The following ZNF695 variants were observed in gnomAD, a reference collection of about 807,000 sequenced individuals.
ZNF695 encodes zinc finger protein 695.
In ZNF695, 11 loss-of-function variants were observed where a neutral mutation model predicts 11.2. The ratio of observed to expected loss-of-function variants is 0.98; its 90% CI spans 0.62 to 1.62. The LOEUF (loss-of-function observed/expected upper bound fraction) is 1.62, where lower values mean the gene tolerates loss of function less well. ZNF695 is among the 40% of genes most tolerant of loss of function. The pLI is 0.00. For missense variants in ZNF695, 559 were observed against 590.5 expected, an observed-to-expected ratio of 0.95 and a Z score of 0.55; for synonymous variants, 190 against 201.4, an observed-to-expected ratio of 0.94 and a Z score of 0.48.
intron 4 of ZNF695, among the ~76,000 whole-genome samples, chr1:246,978,846 C>T (rs977043440): frequency 2.8e-4 from 28 of 100,336 alleles, no homozygotes; most frequent in African/African-American, 6.5e-4. Flanking sequence ...AGCTGCTTGT[C>T]GGGGAAATGA....
intron 5 of ZNF695, among the ~76,000 whole-genome samples, chr1:246,959,311 ATATATAT>A (rs1267302386): frequency 7.6e-4 from 16 of 20,954 alleles, no homozygotes; most frequent in African/African-American, 1.7e-3. Context: ...AAAAAAAAAA[ATATATAT>A]ATATATATAT....
chr1:247,003,528 C>T (rs542821894), intron 1 of ZNF695, among the ~76,000 whole-genome samples: 2 of 152,262 alleles, frequency 1.3e-5, no homozygotes, highest in Admixed American at 6.5e-5. Context: ...ATAATTTGTG[C>T]ACCAAACAAC....
intron 4 of ZNF695, among the ~76,000 whole-genome samples, chr1:246,972,132 A>T (rs1668443538): frequency 6.6e-6 from 1 of 152,226 alleles, no homozygotes; most frequent in Non-Finnish European, 1.5e-5. Flanking sequence ...GGGAGAAAGC[A>T]CTGTAGCAGG....
Position 246,987,129 on chromosome 1 carries a change from T to G in ZNF695, c.1386A>C (p.Lys462Asn). The change falls in exon 4 of 4, where the codon AAA becomes AAC. Residue 462 changes from lysine (K) to asparagine (N), a missense_variant. Physicochemically the swap from Lys to Asn is moderately conservative, Grantham distance 94. Coordinates refer to ENST00000339986, the MANE Select transcript of ZNF695 (RefSeq NM_020394.5). ...TNHKRIHTGE[K>N]PYKCEECGKA... ...TGCCACATTCTTCACATTTGTAGGG[T>G]TTCTCTCCAGTATGAATTCTCTTAT... The G allele has an allele frequency of 6.2e-7, 1 of 1,614,064 alleles. No individual in the cohort carries two copies. Among genetic ancestry groups the G allele is most frequent in the South Asian group, 1.1e-5 (1 of 91,074 alleles).
exon 5 of ZNF695, chr1:246,967,715 C>T (rs1331121142): frequency 7.6e-6 from 3 of 396,490 alleles, no homozygotes; most frequent in African/African-American, 2.1e-5. Flanking sequence ...GCTTTACATG[C>T]TTCTGCTTCT....
At chr1:246,967,827 A>T (rs1668327566) in intron 4 of ZNF695, 1 of 310,686 alleles carries the variant, frequency 3.2e-6, no homozygotes, top group Non-Finnish European at 6.5e-6. Flanking sequence ...GGGAAATGCT[A>T]TACACTTTTA....
At position 246,986,307 on chromosome 1, in the gene ZNF695, A is replaced by G. The variant is rs1572524470; in HGVS notation, c.*660T>C. The G allele has an allele frequency of 8.7e-6, 8 of 923,570 alleles. No homozygotes were observed. The highest frequency in any genetic ancestry group is 1.2e-4 in the East Asian group (1 of 8,484). The allele number at this position is 923,570 out of a possible 1,614,324, so 57.2% of individuals were successfully genotyped here. A position where few individuals can be genotyped will look rare whatever the true frequency, so the allele number is the denominator to read the frequency against. On this transcript the variant is annotated 3_prime_UTR_variant, in exon 4 of 4. Transcript: ENST00000339986. ...GGTCCCAAACTCCTGGGCTCAAGCA[A>G]TCCCCCGACCTCGGCATCCAAAAGT...
intron 3 of ZNF695, 58 bp from the exon 4 acceptor site, chr1:246,988,313 C>G (rs1668918073): frequency 7.6e-7 from 1 of 1,320,150 alleles, no homozygotes; most frequent in Non-Finnish European, 1.0e-6. Context: ...CTTTACAAAT[C>G]TAAGGCATAA....
At chr1:247,005,090 A>C (rs557465382) in intron 1 of ZNF695, among the ~76,000 whole-genome samples, 1 of 152,324 alleles carries the variant, frequency 6.6e-6, no homozygotes, top group East Asian at 1.9e-4. Context: ...ACTAAGCCTA[A>C]AATTTTTTTG....
chr1:246,986,897 A>T lies in ZNF695; in HGVS notation c.*70T>A, dbSNP rs1022312518. ...TTTGTAACACTCTTATTCAGTAAAAATATTCTGCTGTGAAGTTGTGAATAG... is the reference window on the plus strand; with the variant it reads ...TTTGTAACACTCTTATTCAGTAAAATTATTCTGCTGTGAAGTTGTGAATAG... On this transcript the variant is annotated 3_prime_UTR_variant, in exon 4 of 4. Transcript: ENST00000339986. The T allele has an allele frequency of 6.6e-7, 1 of 1,505,048 alleles. No individual in the cohort carries two copies. The highest frequency in any genetic ancestry group is 1.4e-5 in the African/African-American group (1 of 71,606). The allele number at this position is 1,505,048 out of a possible 1,614,324, so 93.2% of individuals were successfully genotyped here. A position where few individuals can be genotyped will look rare whatever the true frequency, so the allele number is the denominator to read the frequency against.
chr1:246,982,025 C>CT, downstream of ZNF695, among the ~76,000 whole-genome samples: 1 of 152,270 alleles, frequency 6.6e-6, no homozygotes, highest in Middle Eastern at 3.4e-3. Context: ...AATCTCAGCA[C>CT]TTTGAGAGGA....
chr1:247,002,723 C>A (rs577478673), intron 1 of ZNF695, among the ~76,000 whole-genome samples: 1 of 151,060 alleles, frequency 6.6e-6, no homozygotes, highest in Non-Finnish European at 1.5e-5. Flanking sequence ...GCAGAGGTTG[C>A]GGTGAGCTGA....
intron 5 of ZNF695, among the ~76,000 whole-genome samples, chr1:246,951,553 G>A (rs1464823295): frequency 2.0e-5 from 3 of 152,172 alleles, no homozygotes; most frequent in Non-Finnish European, 2.9e-5. Flanking sequence ...ATACATTTCC[G>A]ATGTTTGAAG....
chr1:246,976,561 A>T (rs58075263), intron 4 of ZNF695, among the ~76,000 whole-genome samples: 264 of 151,582 alleles, frequency 1.7e-3, no homozygotes, highest in African/African-American at 6.0e-3. Flanking sequence ...TTGGGAGGCC[A>T]AGGCGGGCAG....
At chr1:247,006,815 T>C (rs1344971992) in intron 1 of ZNF695, among the ~76,000 whole-genome samples, 1 of 152,194 alleles carries the variant, frequency 6.6e-6, no homozygotes, top group Non-Finnish European at 1.5e-5. Context: ...GGAAAACCAG[T>C]TCCCCTGTGG....
At chr1:247,001,739 C>G (rs1180514297) in intron 1 of ZNF695, among the ~76,000 whole-genome samples, 1 of 130,994 alleles carries the variant, frequency 7.6e-6, no homozygotes, top group Non-Finnish European at 1.6e-5. Flanking sequence ...AAAAAAGAAA[C>G]AAGACAAAGA....
rs11807434 is a variant in ZNF695, at chr1:247,000,001, C to T, written c.77G>A (p.Arg26Gln). The change falls in exon 2 of 4, where the codon CGG becomes CAG. Residue 26 changes from arginine to glutamine, a missense_variant. Transcript: ENST00000339986. ...TAACATCACATCCCTATACAAACTC[C>T]GCTGAGCTGGGTCCAGGCATTCCCA... Reference protein sequence around the residue: ...EEWECLDPAQRSLYRDVMLEN... With the variant: ...EEWECLDPAQQSLYRDVMLEN... The T allele has an allele frequency of 5.5e-3, 8,855 of 1,614,090 alleles. 353 individuals are homozygous for T. In the African/African-American group the frequency reaches 0.091, roughly 17 times the overall value.
intron 1 of ZNF695, among the ~76,000 whole-genome samples, chr1:247,007,202 AT>A (rs200932362): frequency 0.013 from 1,982 of 152,206 alleles, 41 homozygotes; most frequent in African/African-American, 0.046. Flanking sequence ...GCTTCAGTTT[AT>A]TTTTTTAAGA....
At chr1:246,954,853 T>G (rs1214981545) in intron 5 of ZNF695, among the ~76,000 whole-genome samples, 1 of 152,178 alleles carries the variant, frequency 6.6e-6, no homozygotes, top group African/African-American at 2.4e-5. Flanking sequence ...CAGGATACAT[T>G]CTGAGAAAAT....
Sources: allele counts gnomAD v4.1 joint callset (sites outside exome capture counted in the v4.1 genomes callset), GRCh38; gene constraint gnomAD v4.1.1; transcripts MANE v1.5; gene names NCBI Gene and HGNC (gene_info 2026-07-23, HGNC 2026-07-21).